The following DMD variants were observed in gnomAD, a reference collection of about 807,000 sequenced individuals.
The protein encoded by DMD is dystrophin, also known as mutant dystrophin.
Under a neutral mutation model 330.1 loss-of-function variants are expected in DMD, and 63 were observed. The observed-to-expected ratio is 0.19, with a 90% CI of 0.16 to 0.24. The LOEUF (loss-of-function observed/expected upper bound fraction) is 0.24. DMD is among the 10% of genes least tolerant of loss of function. DMD has a pLI of 1.00. For synonymous variants in DMD, 1,223 were observed against 959.8 expected (o/e 1.27, Z -5.07); for missense variants, 3,344 against 2,684.1 (o/e 1.25, Z -5.43).
intron 1 of DMD, among the ~76,000 whole-genome samples, chrX:33,136,306 A>AAAAC (rs2095527412): frequency 1.1e-5 from 1 of 89,253 alleles, no homozygotes; most frequent in Non-Finnish European, 2.3e-5. Flanking sequence ...AAAAAAAAAA[A>AAAAC]CCACAACAGA....
chrX:32,757,313 TAAC>T (rs2071625835), intron 7 of DMD, among the ~76,000 whole-genome samples: 1 of 111,840 alleles, frequency 8.9e-6, no homozygotes, highest in Non-Finnish European at 1.9e-5. Flanking sequence ...ACCCCATTCT[TAAC>T]AAGTTATATG....
chrX:32,389,333 C>A (rs1343583302), intron 32 of DMD, among the ~76,000 whole-genome samples, 168 bp downstream of exon 32: 5 of 111,652 alleles, frequency 4.5e-5, no homozygotes, highest in Non-Finnish European at 9.4e-5. Flanking sequence ...TCAAAAAAGA[C>A]ACACAGAATA....
chrX:32,305,691 C>G (rs749080278), intron 42 of DMD, among the ~76,000 whole-genome samples: 3 of 111,232 alleles, frequency 2.7e-5, no homozygotes, highest in Non-Finnish European at 5.7e-5. Context: ...CTCAACTGCT[C>G]AGAAACTTAC....
intron 4 of DMD, among the ~76,000 whole-genome samples, chrX:32,836,934 G>C (rs1290586286): frequency 9.0e-6 from 1 of 111,726 alleles, no homozygotes; most frequent in African/African-American, 3.3e-5. Flanking sequence ...ACGACGAAGA[G>C]CAGATATCCG....
intron 2 of DMD, among the ~76,000 whole-genome samples, chrX:32,851,892 G>A (rs12835270): frequency 8.9e-6 from 1 of 112,039 alleles, no homozygotes. Flanking sequence ...ACCCATCTCA[G>A]CAGTTAGAAG....
At chrX:33,295,182 A>G (rs764455049) in intron 1 of DMD, among the ~76,000 whole-genome samples, 1 of 111,005 alleles carries the variant, frequency 9.0e-6, no homozygotes, top group East Asian at 2.8e-4. Context: ...AATGTTCAAA[A>G]CTCATCACTT....
chrX:31,932,146 G>A lies in DMD; in HGVS notation c.6696C>T (p.Asn2232=). The A allele has an allele frequency of 8.3e-7, 1 of 1,200,280 alleles. No homozygotes were observed. Among genetic ancestry groups the A allele is most frequent in the Non-Finnish European group, 1.1e-6 (1 of 885,229 alleles). The change falls in exon 46 of 79, where the codon AAC becomes AAT. Residue 2232 remains asparagine (N), a synonymous_variant. Coordinates refer to ENST00000357033, the MANE Select transcript of DMD (RefSeq NM_004006.3). ...EFVLWLEEAD[N]IASIPLEPGK... ...CAGGTTCAAGTGGGATACTAGCAATGTTATCTGCTTCCTCCAACCATAAAA... is the reference window on the plus strand; with the variant it reads ...CAGGTTCAAGTGGGATACTAGCAATATTATCTGCTTCCTCCAACCATAAAA...
chrX:33,248,545 G>T (rs1216544785), intron 1 of DMD, among the ~76,000 whole-genome samples: 1 of 110,236 alleles, frequency 9.1e-6, no homozygotes, highest in Non-Finnish European at 1.9e-5. Flanking sequence ...AAAACTAATT[G>T]TCATTTTTTT....
intron 60 of DMD, among the ~76,000 whole-genome samples, chrX:31,405,227 A>C (rs2692990): frequency 0.31 from 34,680 of 111,053 alleles, 5,545 homozygotes; most frequent in African/African-American, 0.63. Flanking sequence ...TGATATTTAA[A>C]ATGTTGTACT....
intron 47 of DMD, among the ~76,000 whole-genome samples, chrX:31,918,783 A>G (rs1007977062): frequency 8.2e-5 from 9 of 110,215 alleles, no homozygotes; most frequent in Admixed American, 2.9e-4. Context: ...GATTCAAGTC[A>G]TGTGCCACCA....
chrX:31,866,506 C>T (rs1307190794), intron 48 of DMD, among the ~76,000 whole-genome samples: 1 of 112,007 alleles, frequency 8.9e-6, no homozygotes, highest in Admixed American at 9.5e-5. Flanking sequence ...AAGGCTCCTC[C>T]ACAAATATTG....
chrX:31,182,974 G>C, intron 67 of DMD, 70 bp from the exon 68 acceptor site: 2 of 901,368 alleles, frequency 2.2e-6, no homozygotes, highest in Non-Finnish European at 3.2e-6. Flanking sequence ...TGGCAAAGGA[G>C]GTGTATATCA....
rs140649035 is a variant in DMD, at chrX:32,532,388, T to C, written c.2168+12771A>G. Among the ~76,000 whole-genome samples the C allele has an allele frequency of 4.5e-3, 500 of 111,901 alleles. 2 individuals are homozygous for C. Among genetic ancestry groups the C allele is most frequent in the East Asian group, 0.018 (64 of 3,550 alleles). On this transcript the variant is annotated intron_variant, in intron 17 of 78. Coordinates refer to ENST00000357033, the MANE Select transcript of DMD (RefSeq NM_004006.3). ...AAGCATTTTATTTCAGCTAAATAAT[T>C]TGATGAAATCACCTTTAACTTATTA...
chrX:32,059,994 A>G (rs1465032849), intron 44 of DMD, among the ~76,000 whole-genome samples: 1 of 111,403 alleles, frequency 9.0e-6, no homozygotes, highest in Non-Finnish European at 1.9e-5. Flanking sequence ...GAAGGAGGAA[A>G]CAAGTAGTTT....
rs750164989 is a variant in DMD, at chrX:32,388,183, A to G, written c.4518+1318T>C. Among the ~76,000 whole-genome samples the G allele has an allele frequency of 6.3e-5, 7 of 111,363 alleles. No homozygotes were observed. In the South Asian group the frequency reaches 2.6e-3, roughly 41 times the overall value. On this transcript the variant is annotated intron_variant, in intron 32 of 78. Transcript: ENST00000357033. ...TTTCCTTTGTACTGACGCAGGGCAC[A>G]GTCACAGCTTGACACAGGTGAGATT...
chrX:32,272,797 T>C (rs2148359451), intron 43 of DMD, among the ~76,000 whole-genome samples: 1 of 112,123 alleles, frequency 8.9e-6, no homozygotes, highest in East Asian at 2.8e-4. Flanking sequence ...GCAAGGTCCA[T>C]CCTACGTGTC....
chrX:31,155,543 T>C (rs1377908739), intron 74 of DMD, among the ~76,000 whole-genome samples: 3 of 112,173 alleles, frequency 2.7e-5, no homozygotes, highest in Non-Finnish European at 5.6e-5. Context: ...TATCCACCAA[T>C]CTAAATTCAG....
rs774715155 is a variant in DMD at position 32,027,183 on chromosome X, C to CACAG, written c.6439-58670_6439-58669insCTGT. Reference sequence around the variant, plus strand: ...GCACGTGCACACACACACACACACACAGAGAGAGAGAGAGAGAGAGAGAAG... The same window carrying CACAG: ...GCACGTGCACACACACACACACACACACAGAGAGAGAGAGAGAGAGAGAGAGAAG... On this transcript the variant is annotated intron_variant, in intron 44 of 78. Coordinates refer to ENST00000357033, the MANE Select transcript of DMD (RefSeq NM_004006.3). Among the ~76,000 whole-genome samples, 426 of 97,508 alleles carry CACAG rather than the reference C, an allele frequency of 4.4e-3. 3 individuals are homozygous for CACAG. Among genetic ancestry groups the CACAG allele is most frequent in the African/African-American group, 0.011 (293 of 25,572 alleles). 84.7% of individuals were successfully genotyped at this position (97,508 alleles called of 115,157 possible). A position where few individuals can be genotyped will look rare whatever the true frequency, so the allele number is the denominator to read the frequency against.
At chrX:31,854,922 A>G (rs759353738) in intron 48 of DMD, among the ~76,000 whole-genome samples, 4 of 111,109 alleles carry the variant, frequency 3.6e-5, no homozygotes, top group South Asian at 7.7e-4. Flanking sequence ...CTCCTCCCCC[A>G]TGTGTGACAA....
Sources: allele counts gnomAD v4.1 joint callset (sites outside exome capture counted in the v4.1 genomes callset), GRCh38; gene constraint gnomAD v4.1.1; transcripts MANE v1.5; gene names NCBI Gene and HGNC (gene_info 2026-07-23, HGNC 2026-07-21).